PCNX4: variants seen among roughly 807,000 people sequenced by gnomAD.
PCNX4 encodes the protein pecanex 4.
A neutral mutation model predicts 107.2 loss-of-function variants in PCNX4; 103 were observed. The observed-to-expected ratio is 0.96, with a 90% CI of 0.82 to 1.13. The LOEUF is 1.13. Ranked by LOEUF, PCNX4 falls within the 50% of genes most tolerant of loss-of-function variation. The pLI is 0.00. For synonymous variants in PCNX4, 541 were observed against 481.7 expected, an observed-to-expected ratio of 1.12 and a Z score of -1.61; for missense variants, 1,528 against 1,379.4, an observed-to-expected ratio of 1.11 and a Z score of -1.71.
chr14:60,111,777 T>G (rs957610715), intron 2 of PCNX4, among the ~76,000 whole-genome samples: 1 of 152,194 alleles, frequency 6.6e-6, no homozygotes, highest in African/African-American at 2.4e-5. Flanking sequence ...TGTTTAAGAT[T>G]TGATAATTAC....
chr14:60,130,941 G>A (rs1896143713), intron 10 of PCNX4, among the ~76,000 whole-genome samples: 2 of 152,068 alleles, frequency 1.3e-5, no homozygotes, highest in Non-Finnish European at 2.9e-5. Flanking sequence ...CCTTTGGGAG[G>A]TAATTAGGCT....
intron 1 of PCNX4, among the ~76,000 whole-genome samples, chr14:60,100,969 T>TA (rs1294523231): frequency 1.3e-5 from 2 of 152,212 alleles, no homozygotes; most frequent in Non-Finnish European, 2.9e-5. Flanking sequence ...GGTACCCTTT[T>TA]AAGTCTGATA....
In PCNX4 at chr14:60,114,086, A is replaced by G. The variant is rs80274566; in HGVS notation, c.690-614A>G. Among the ~76,000 whole-genome samples the G allele has an allele frequency of 6.2e-4, 95 of 152,332 alleles. No homozygotes were observed. In the East Asian group the frequency reaches 0.017, roughly 27 times the overall value. ...TAGTTAAGTTCTTAGGTTAAGCTGC[A>G]GAGATACAGTCATAACCTGAGTTGC... On this transcript the variant is annotated intron_variant, in intron 2 of 10. Transcript: ENST00000406854.
At chr14:60,105,299 G>T (rs1045606819) in intron 1 of PCNX4, among the ~76,000 whole-genome samples, 7 of 152,180 alleles carry the variant, frequency 4.6e-5, no homozygotes, top group South Asian at 2.1e-4. Flanking sequence ...ATTAGGGAAG[G>T]GAGGAGAGGA....
In PCNX4 at chr14:60,108,110, C is replaced by G. The variant is rs185350070; in HGVS notation, c.472C>G (p.Leu158Val). ...GLACGLGTWY[L>V]LPNRITLLYG... ...AGCGTGTGGTCTTGGAACATGGTAT[C>G]TGCTCCCAAATAGAATAACCTTGCT... The change falls in exon 2 of 11, where the codon CTG becomes GTG. Residue 158 changes from leucine to valine, a missense_variant. By Grantham distance (32) the Leu-to-Val change is conservative. Transcript: ENST00000406854. 16 of 1,612,724 alleles carry G rather than the reference C, an allele frequency of 9.9e-6. No individual in the cohort carries two copies. Among genetic ancestry groups the G allele is most frequent in the Non-Finnish European group, 1.4e-5 (16 of 1,179,870 alleles).
intron 10 of PCNX4, among the ~76,000 whole-genome samples, chr14:60,128,440 T>C (rs550205179): frequency 2.0e-5 from 3 of 152,186 alleles, no homozygotes; most frequent in Admixed American, 2.0e-4. Flanking sequence ...ATATTCAAAG[T>C]GCCCCCTAAA....
Position 60,115,380 on chromosome 14 carries a change from G to T in PCNX4, c.1276G>T (p.Val426Leu), listed in dbSNP as rs1208727628. Residue 426 changes from valine (V) to leucine (L), a missense_variant, in exon 4 of 11, where the codon GTG becomes TTG. Physicochemically the swap from Val to Leu is conservative, Grantham distance 32. Coordinates refer to ENST00000406854, the MANE Select transcript of PCNX4 (RefSeq NM_001330177.2). ...IFRNPFYPKD[V>L]QTVTVFFEKQ... ...CCGAAATCCCTTTTATCCGAAGGAT[G>T]TGCAAACTGTGACTGTATTCTTTGA... 1.3e-6 allele frequency: 2 copies of T among 1,592,948 alleles called. No homozygotes were observed. The highest frequency in any genetic ancestry group is 2.3e-5 in the South Asian group (2 of 87,470).
chr14:60,137,170 C>G lies in PCNX4; in HGVS notation c.*2949C>G, dbSNP rs557440582. 6.6e-6 allele frequency: 1 copy of G among 152,270 alleles called. No individual in the cohort carries two copies. The highest frequency in any genetic ancestry group is 2.1e-4 in the South Asian group (1 of 4,828). 9.4% of individuals were successfully genotyped at this position (152,270 alleles called of 1,614,324 possible). On this transcript the variant is annotated 3_prime_UTR_variant, in exon 11 of 11. Coordinates refer to ENST00000406854, the MANE Select transcript of PCNX4 (RefSeq NM_001330177.2). The stretch of plus-strand genomic sequence containing the variant: ...CTAAGACAGAATGAAACTTAGAGAC[C>G]TGAGCTCAGCATTTGGGCTGCTTTT...
chr14:60,122,744 C>A (rs1175179048), intron 8 of PCNX4, among the ~76,000 whole-genome samples: 2 of 152,118 alleles, frequency 1.3e-5, no homozygotes, highest in Non-Finnish European at 2.9e-5. Context: ...AGGAATACAT[C>A]CTAAGCCCCT....
At chr14:60,114,610 T>A (rs1555393248) in intron 2 of PCNX4, 90 bp from the exon 3 acceptor site, 2 of 1,041,648 alleles carry the variant, frequency 1.9e-6, no homozygotes, top group Non-Finnish European at 2.7e-6. Flanking sequence ...TGGAAGGGAG[T>A]GTGTTGTTAT....
chr14:60,135,577 G>C lies in PCNX4; in HGVS notation c.*1356G>C, dbSNP rs548651968. On this transcript the variant is annotated 3_prime_UTR_variant, in exon 11 of 11. Transcript: ENST00000406854. ...TCAGCTTTTTTTTTTTTCCGAGATG[G>C]AATCTCGCTCTGTCACCCAGGCTGG... 6.6e-6 allele frequency: 1 copy of C among 151,482 alleles called. No homozygotes were observed. Among genetic ancestry groups the C allele is most frequent in the Non-Finnish European group, 1.5e-5 (1 of 67,916 alleles). The allele number at this position is 151,482 out of a possible 1,614,324, so 9.4% of individuals were successfully genotyped here.
Position 60,118,321 on chromosome 14 carries a change from T to A in PCNX4, c.1579-8T>A. 1 of 1,569,410 alleles carries A rather than the reference T, an allele frequency of 6.4e-7. No individual in the cohort carries two copies. Among genetic ancestry groups the A allele is most frequent in the Non-Finnish European group, 8.6e-7 (1 of 1,157,500 alleles). The stretch of plus-strand genomic sequence containing the variant: ...GGATAAATAAAAATAATTTTTACAT[T>A]TCTACAGGTTGGTATCATACGTGAT... On this transcript the variant is annotated splice_polypyrimidine_tract_variant and splice_region_variant and intron_variant, in intron 6 of 10. Transcript: ENST00000406854.
At position 60,107,600 on chromosome 14, in the gene PCNX4, C is replaced by A; in HGVS notation, c.-39C>A. On this transcript the variant is annotated 5_prime_UTR_variant, in exon 2 of 11. Coordinates refer to ENST00000406854, the MANE Select transcript of PCNX4 (RefSeq NM_001330177.2). Reference sequence around the variant, plus strand: ...TTATTTTTTAGAAACTGCTGTGTTACAGAAAAGCATGTGACTTTCAGAATA... The same window carrying A: ...TTATTTTTTAGAAACTGCTGTGTTAAAGAAAAGCATGTGACTTTCAGAATA... The A allele has an allele frequency of 6.6e-7, 1 of 1,516,758 alleles. No individual in the cohort carries two copies. The highest frequency in any genetic ancestry group is 8.9e-7 in the Non-Finnish European group (1 of 1,120,258). The allele number at this position is 1,516,758 out of a possible 1,614,324, so 94.0% of individuals were successfully genotyped here. A position where few individuals can be genotyped will look rare whatever the true frequency, so the allele number is the denominator to read the frequency against.
chr14:60,113,455 G>A (rs1006208912), intron 2 of PCNX4, among the ~76,000 whole-genome samples: 6 of 151,830 alleles, frequency 4.0e-5, no homozygotes, highest in Non-Finnish European at 8.8e-5. Context: ...TGGAACCTCC[G>A]CCTCCCAGGT....
In PCNX4 at chr14:60,142,472, C is replaced by A. The variant is rs1896317679; in HGVS notation, c.*8251C>A. On this transcript the variant is annotated 3_prime_UTR_variant, in exon 11 of 11. Coordinates refer to ENST00000406854, the MANE Select transcript of PCNX4 (RefSeq NM_001330177.2). The surrounding 1 kb of genome is among the most constrained non-coding windows in gnomAD (Gnocchi z 4.7). ...GGAGTAATGAACACACCATTTTCTT[C>A]CTACTTAAAAGTCCACTCAGGATAA... The A allele has an allele frequency of 1.5e-5, 2 of 136,016 alleles. No homozygotes were observed. Among genetic ancestry groups the A allele is most frequent in the South Asian group, 5.1e-4 (2 of 3,902 alleles). 8.4% of individuals were successfully genotyped at this position (136,016 alleles called of 1,614,324 possible).
At chr14:60,103,753 A>C (rs1370085413) in intron 1 of PCNX4, among the ~76,000 whole-genome samples, 3 of 152,154 alleles carry the variant, frequency 2.0e-5, no homozygotes, top group African/African-American at 7.2e-5. Flanking sequence ...ACAGGGAGCA[A>C]ATTAAAATTG....
intron 10 of PCNX4, 61 bp from the exon 11 acceptor site, chr14:60,133,909 A>G (rs1896199689): frequency 6.8e-7 from 1 of 1,464,574 alleles, no homozygotes; most frequent in East Asian, 2.4e-5. Context: ...TGAATAAAAT[A>G]TAAAGACCTA....
At chr14:60,133,610 G>A (rs1896193344) in intron 10 of PCNX4, 1 of 465,416 alleles carries the variant, frequency 2.1e-6, no homozygotes, top group Non-Finnish European at 4.2e-6. Flanking sequence ...TCTCAACAAA[G>A]CTGTTTCTTT....
In PCNX4 at chr14:60,140,350, A is replaced by C. The variant is rs80174410; in HGVS notation, c.*6129A>C. On this transcript the variant is annotated 3_prime_UTR_variant, in exon 11 of 11. Transcript: ENST00000406854. The surrounding 1 kb of genome is among the most constrained non-coding windows in gnomAD (Gnocchi z 4.2). Reference sequence around the variant, plus strand: ...CCTATCTGCTAAAGAAGTGGAACCTATAGTTACTTTATTTGCTTTTCCATA... The same window carrying C: ...CCTATCTGCTAAAGAAGTGGAACCTCTAGTTACTTTATTTGCTTTTCCATA... 421 of 152,322 alleles carry C rather than the reference A, an allele frequency of 2.8e-3. 3 individuals carry two copies. Among genetic ancestry groups the C allele is most frequent in the African/African-American group, 9.7e-3 (403 of 41,564 alleles). The allele number at this position is 152,322 out of a possible 1,614,324, so 9.4% of individuals were successfully genotyped here.
Sources: gnomAD v4.1 joint callset for allele counts (sites outside exome capture counted in the v4.1 genomes callset) on GRCh38, gnomAD v4.1.1 for gene constraint, Gnocchi (gnomAD v3.1) non-coding constraint, MANE v1.5 for transcripts, NCBI Gene and HGNC (gene_info 2026-07-23, HGNC 2026-07-21) for gene names.